Variants in STARD13 observed in about 807,000 individuals in gnomAD.
The protein encoded by STARD13 is StAR related lipid transfer domain containing 13, also known as stAR-related lipid transfer protein 13.
A neutral mutation model predicts 106.4 loss-of-function variants in STARD13; 62 were observed. The ratio of observed to expected loss-of-function variants is 0.58; its 90% CI spans 0.48 to 0.72. The LOEUF is 0.72. Among genes scored for constraint, STARD13 ranks in the 30% least tolerant of loss-of-function variants. STARD13 has a pLI of 0.00. For synonymous variants in STARD13, 565 were observed against 553.0 expected (o/e 1.02, Z -0.31); for missense variants, 1,387 against 1,424.0 (o/e 0.97, Z 0.42).
chr13:33,369,554 A>G, the STARD13 span, among the ~76,000 whole-genome samples: 3 of 152,228 alleles, frequency 2.0e-5, no homozygotes, highest in Non-Finnish European at 4.4e-5. Context: ...AAACGGATCT[A>G]GTAGTTCAAG....
the STARD13 span, among the ~76,000 whole-genome samples, chr13:33,672,551 A>T: frequency 0.011 from 1,648 of 152,342 alleles, 25 homozygotes; most frequent in African/African-American, 0.036. Context: ...AATAAAATTT[A>T]AAAAATCCTT....
At chr13:33,150,741 C>A (rs1881165039) in intron 3 of STARD13, among the ~76,000 whole-genome samples, 1 of 152,198 alleles carries the variant, frequency 6.6e-6, no homozygotes, top group South Asian at 2.1e-4. Flanking sequence ...GATAATGATA[C>A]TGCTGCCACA....
At chr13:33,572,002 G>T in the STARD13 span, among the ~76,000 whole-genome samples, 1 of 152,078 alleles carries the variant, frequency 6.6e-6, no homozygotes, top group Admixed American at 6.6e-5. Context: ...AAACAACAAA[G>T]CCTGGTAAAT....
chr13:33,297,606 A>T (rs1002210933), intron 1 of STARD13, among the ~76,000 whole-genome samples: 7 of 73,774 alleles, frequency 9.5e-5, no homozygotes, highest in Admixed American at 3.8e-4. Context: ...TTTGAAAATT[A>T]AAAAAAAAAA....
chr13:33,614,807 G>C, the STARD13 span, among the ~76,000 whole-genome samples: 3 of 152,136 alleles, frequency 2.0e-5, no homozygotes, highest in Admixed American at 6.5e-5. Context: ...CAGTGTGCTA[G>C]AGGGTCAAAG....
chr13:33,488,934 C>T, the STARD13 span, among the ~76,000 whole-genome samples: 1 of 152,232 alleles, frequency 6.6e-6, no homozygotes, highest in East Asian at 1.9e-4. Context: ...CAACAATCAT[C>T]TCCACTGGGT....
chr13:33,500,147 T>A, the STARD13 span, among the ~76,000 whole-genome samples: 3 of 151,988 alleles, frequency 2.0e-5, no homozygotes, highest in African/African-American at 7.3e-5. Context: ...CCAAATACCA[T>A]CACATTGTGG....
At chr13:33,612,522 C>T in the STARD13 span, among the ~76,000 whole-genome samples, 1 of 152,126 alleles carries the variant, frequency 6.6e-6, no homozygotes, top group Non-Finnish European at 1.5e-5. Flanking sequence ...TACTCCCTGC[C>T]TCATCCACAC....
chr13:33,558,339 T>C, the STARD13 span, among the ~76,000 whole-genome samples: 1 of 152,098 alleles, frequency 6.6e-6, no homozygotes, highest in Non-Finnish European at 1.5e-5. Context: ...GTCAATATTT[T>C]AAAAACAAAA....
chr13:33,310,780 G>A (rs113590850), intron 1 of STARD13, among the ~76,000 whole-genome samples: 116 of 152,194 alleles, frequency 7.6e-4, no homozygotes, highest in African/African-American at 2.7e-3. Flanking sequence ...TGAGAAATGT[G>A]TCCTTAGGCA....
chr13:33,176,746 A>G lies in STARD13; in HGVS notation c.170-9124T>C, dbSNP rs79955923. ...TTGTCATCAGGCACAGTGATGCATC[A>G]ATGACTTGTATCATGCTACAATCTA... On this transcript the variant is annotated intron_variant, in intron 1 of 13. Coordinates refer to ENST00000336934, the MANE Select transcript of STARD13 (RefSeq NM_178006.4). Among the ~76,000 whole-genome samples, 18 of 152,326 alleles carry G rather than the reference A, an allele frequency of 1.2e-4. 1 individual carries two copies. The East Asian group carries it at 3.5e-3, about 29-fold the overall frequency.
chr13:33,314,396 C>A (rs183049435), intron 1 of STARD13, among the ~76,000 whole-genome samples: 22 of 152,188 alleles, frequency 1.4e-4, no homozygotes, highest in Non-Finnish European at 1.2e-4. Flanking sequence ...ACTACAGCCA[C>A]GGTGGTAGGA....
intron 7 of STARD13, 93 bp downstream of exon 7, chr13:33,125,988 G>T: frequency 7.1e-7 from 1 of 1,408,176 alleles, no homozygotes; most frequent in Non-Finnish European, 9.8e-7. Flanking sequence ...TGTCTTGCCT[G>T]ATATTGGGCA....
chr13:33,169,530 C>T (rs1016381239), intron 1 of STARD13, among the ~76,000 whole-genome samples: 15 of 152,170 alleles, frequency 9.9e-5, no homozygotes, highest in Admixed American at 9.8e-4. Context: ...CGAGAAAACA[C>T]CTAATTTCTA....
the STARD13 span, among the ~76,000 whole-genome samples, chr13:33,556,495 T>C: frequency 6.6e-6 from 1 of 152,134 alleles, no homozygotes; most frequent in African/African-American, 2.4e-5. Context: ...TTGCCCAGGC[T>C]GGTTTCAAAC....
chr13:33,122,346 A>G (rs1876463868), intron 7 of STARD13, among the ~76,000 whole-genome samples: 1 of 152,178 alleles, frequency 6.6e-6, no homozygotes, highest in African/African-American at 2.4e-5. Flanking sequence ...CAGCTTCGTT[A>G]TGAGGAAGAT....
the STARD13 span, among the ~76,000 whole-genome samples, chr13:33,390,642 T>C: frequency 6.6e-6 from 1 of 152,180 alleles, no homozygotes; most frequent in South Asian, 2.1e-4. Flanking sequence ...TCAGGAATGC[T>C]ATGGTCAAGT....
intron 1 of STARD13, among the ~76,000 whole-genome samples, chr13:33,266,070 T>G (rs182188605): frequency 1.3e-5 from 2 of 152,294 alleles, no homozygotes; most frequent in Non-Finnish European, 1.5e-5. Flanking sequence ...TCACTGTAAC[T>G]GCAGCAGCAG....
chr13:33,450,365 A>G, the STARD13 span, among the ~76,000 whole-genome samples: 3 of 152,224 alleles, frequency 2.0e-5, no homozygotes, highest in Non-Finnish European at 4.4e-5. Context: ...TTAACATATC[A>G]TGTTTAATGA....
Sources: gnomAD v4.1 joint callset for allele counts (sites outside exome capture counted in the v4.1 genomes callset) on GRCh38, gnomAD v4.1.1 for gene constraint, MANE v1.5 for transcripts, NCBI Gene and HGNC (gene_info 2026-07-23, HGNC 2026-07-21) for gene names.